ADAMTS20: variants seen among roughly 807,000 people sequenced by gnomAD.
ADAMTS20 encodes the protein A disintegrin and metalloproteinase with thrombospondin motifs 20.
Under a neutral mutation model 260.1 loss-of-function variants are expected in ADAMTS20, and 225 were observed. That is an observed-to-expected ratio of 0.87 (90% CI 0.78 to 0.97). ADAMTS20 has a LOEUF of 0.97. ADAMTS20 is among the 50% of genes least tolerant of loss of function. The pLI, the probability that ADAMTS20 is intolerant of heterozygous loss-of-function variation, is 0.00. For synonymous variants in ADAMTS20, 802 were observed against 769.5 expected (o/e 1.04, Z -0.70); for missense variants, 2,400 against 2,337.7 (o/e 1.03, Z -0.55).
intron 14 of ADAMTS20, among the ~76,000 whole-genome samples, chr12:43,447,605 A>C (rs1320770827): frequency 6.6e-6 from 1 of 151,880 alleles, no homozygotes; most frequent in Non-Finnish European, 1.5e-5. Context: ...CCCTCTCACC[A>C]CTCCTATTTA....
intron 11 of ADAMTS20, among the ~76,000 whole-genome samples, chr12:43,462,464 A>T (rs1942080214): frequency 6.6e-6 from 1 of 152,216 alleles, no homozygotes; most frequent in Non-Finnish European, 1.5e-5. Flanking sequence ...ATCTTGATAC[A>T]CTTAGAAACA....
intron 23 of ADAMTS20, among the ~76,000 whole-genome samples, chr12:43,430,005 G>A (rs563244234): frequency 4.1e-4 from 62 of 151,978 alleles, no homozygotes; most frequent in Non-Finnish European, 8.1e-4. Context: ...CATTCTGAAC[G>A]GACACAAAAC....
At chr12:43,363,003 T>C (rs553404775) in intron 37 of ADAMTS20, among the ~76,000 whole-genome samples, 2 of 151,996 alleles carry the variant, frequency 1.3e-5, no homozygotes, top group South Asian at 4.2e-4. Context: ...CTGACTTCCA[T>C]AACTGTTAAA....
chr12:43,470,439 C>A (rs1942233873), intron 7 of ADAMTS20, among the ~76,000 whole-genome samples: 1 of 152,150 alleles, frequency 6.6e-6, no homozygotes, highest in Non-Finnish European at 1.5e-5. Context: ...TGATTAGAGA[C>A]CAAGCTCAAA....
At chr12:43,360,438 G>A (rs1320023898) in intron 37 of ADAMTS20, among the ~76,000 whole-genome samples, 1 of 152,024 alleles carries the variant, frequency 6.6e-6, no homozygotes, top group Non-Finnish European at 1.5e-5. Flanking sequence ...GACAGAGCAC[G>A]ACTCTGTCTC....
chr12:43,413,368 T>C (rs1181731772), intron 28 of ADAMTS20, among the ~76,000 whole-genome samples: 1 of 152,136 alleles, frequency 6.6e-6, no homozygotes, highest in African/African-American at 2.4e-5. Context: ...ACATGAACTT[T>C]CCTAAATTTT....
chr12:43,490,266 G>A (rs971213493), intron 7 of ADAMTS20, 129 bp downstream of exon 7: 1 of 514,170 alleles, frequency 1.9e-6, no homozygotes, highest in Non-Finnish European at 3.4e-6. Context: ...AGTGACAAGT[G>A]TAATAATTTA....
At chr12:43,456,260 GTT>G (rs1941962367) in intron 11 of ADAMTS20, among the ~76,000 whole-genome samples, 1 of 152,102 alleles carries the variant, frequency 6.6e-6, no homozygotes, top group Admixed American at 6.5e-5. Flanking sequence ...TTGCAAAGTG[GTT>G]TCCTAGATTA....
chr12:43,437,575 C>T (rs1477497245), intron 18 of ADAMTS20, among the ~76,000 whole-genome samples: 1 of 152,084 alleles, frequency 6.6e-6, no homozygotes, highest in Non-Finnish European at 1.5e-5. Flanking sequence ...ACAAGAACTT[C>T]AAAATTCTAA....
intron 18 of ADAMTS20, among the ~76,000 whole-genome samples, chr12:43,439,385 C>T (rs1299624941): frequency 6.6e-6 from 1 of 151,828 alleles, no homozygotes; most frequent in African/African-American, 2.4e-5. Context: ...AGTAAAAGAA[C>T]AGTAATAGAT....
At chr12:43,445,239 T>A (rs1941738693) in intron 15 of ADAMTS20, among the ~76,000 whole-genome samples, 9 of 152,210 alleles carry the variant, frequency 5.9e-5, no homozygotes, top group Admixed American at 5.9e-4. Context: ...TTCACAAGAT[T>A]ACATATTTGA....
chr12:43,541,991 C>A (rs1296161534), intron 2 of ADAMTS20, among the ~76,000 whole-genome samples: 1 of 152,112 alleles, frequency 6.6e-6, no homozygotes, highest in Non-Finnish European at 1.5e-5. Flanking sequence ...ACTCATCTAC[C>A]CAAGATTATG....
chr12:43,464,733 C>T lies in ADAMTS20; in HGVS notation c.1368-1G>A. 6.2e-7 allele frequency: 1 copy of T among 1,607,286 alleles called. No homozygotes were observed. Among genetic ancestry groups the T allele is most frequent in the Non-Finnish European group, 8.5e-7 (1 of 1,177,240 alleles). On this transcript the variant is annotated splice_acceptor_variant, in intron 9 of 38. Coordinates refer to ENST00000389420, the MANE Select transcript of ADAMTS20 (RefSeq NM_025003.5). LOFTEE classifies it high-confidence loss of function. ...AAGAAGACATTCCCCGTAACCAGTACTGTAACAGTGACAGAAAATAAAATA... is the reference window on the plus strand; with the variant it reads ...AAGAAGACATTCCCCGTAACCAGTATTGTAACAGTGACAGAAAATAAAATA...
intron 23 of ADAMTS20, 66 bp from the exon 24 acceptor site, chr12:43,429,790 C>T (rs540911540): frequency 4.7e-5 from 47 of 1,009,766 alleles, no homozygotes; most frequent in Admixed American, 8.6e-5. Flanking sequence ...AAATCTAATA[C>T]TTCACTTCTT....
chr12:43,551,742 G>A lies in ADAMTS20; in HGVS notation c.91+89C>T, dbSNP rs1437079219. 4 of 1,362,566 alleles carry A rather than the reference G, an allele frequency of 2.9e-6. No homozygotes were observed. Among genetic ancestry groups the A allele is most frequent in the South Asian group, 1.2e-5 (1 of 84,264 alleles). The allele number at this position is 1,362,566 out of a possible 1,614,324, so 84.4% of individuals were successfully genotyped here. A position where few individuals can be genotyped will look rare whatever the true frequency, so the allele number is the denominator to read the frequency against. ...CCAGCAGGGCCAGCGTTCCCCAACG[G>A]GCTGAGCCGCTCGTCCCCGCGACCT... On this transcript the variant is annotated intron_variant, in intron 1 of 38. Transcript: ENST00000389420. The surrounding 1 kb of genome is among the most constrained non-coding windows in gnomAD (Gnocchi z 4.6).
chr12:43,367,228 G>A (rs1940006214), intron 37 of ADAMTS20, among the ~76,000 whole-genome samples: 1 of 151,584 alleles, frequency 6.6e-6, no homozygotes, highest in South Asian at 2.1e-4. Flanking sequence ...ACCAAAATGA[G>A]ACAGATATCA....
At chr12:43,460,988 ATTTT>A (rs1161740021) in intron 11 of ADAMTS20, among the ~76,000 whole-genome samples, 6 of 26,398 alleles carry the variant, frequency 2.3e-4, no homozygotes, top group Admixed American at 8.3e-4. Context: ...ATATATATAT[ATTTT>A]TTTTTTTTTT....
At chr12:43,541,330 C>T in intron 2 of ADAMTS20, among the ~76,000 whole-genome samples, 1 of 152,218 alleles carries the variant, frequency 6.6e-6, no homozygotes, top group East Asian at 1.9e-4. Flanking sequence ...ACCTTCAGTT[C>T]CATTGTCTGT....
At chr12:43,492,171 G>A (rs886715900) in intron 6 of ADAMTS20, among the ~76,000 whole-genome samples, 11 of 152,056 alleles carry the variant, frequency 7.2e-5, no homozygotes, top group Non-Finnish European at 1.5e-4. Flanking sequence ...ACGAGGTCAG[G>A]AGATCGAGAC....
Sources: allele counts gnomAD v4.1 joint callset (sites outside exome capture counted in the v4.1 genomes callset), GRCh38; gene constraint gnomAD v4.1.1; non-coding constraint Gnocchi (gnomAD v3.1); transcripts MANE v1.5; gene names NCBI Gene and HGNC (gene_info 2026-07-23, HGNC 2026-07-21).